The following KIF13B variants were observed in gnomAD, a reference collection of about 807,000 sequenced individuals.
KIF13B encodes kinesin-like protein KIF13B.
In KIF13B, 127 loss-of-function variants were observed where a neutral mutation model predicts 222.0. The observed-to-expected ratio is 0.57, with a 90% CI of 0.50 to 0.66. KIF13B has a LOEUF of 0.66. Among genes scored for constraint, KIF13B ranks in the 30% least tolerant of loss-of-function variants. The pLI is 0.00. For synonymous variants in KIF13B, 976 were observed against 919.0 expected (o/e 1.06, Z -1.12); for missense variants, 2,173 against 2,379.0 (o/e 0.91, Z 1.80).
Position 29,113,546 on chromosome 8 carries a change from G to C in KIF13B, c.3847C>G (p.Gln1283Glu), listed in dbSNP as rs767563825. The change falls in exon 32 of 40, where the codon CAG becomes GAG. Residue 1283 changes from glutamine (Q) to glutamate (E), a missense_variant. Physicochemically the swap from Gln to Glu is conservative, Grantham distance 29 (BLOSUM62 2). Around this residue, in one of 2 missense-constraint regions of KIF13B, gnomAD observed 1,480 missense variants for 1,722.8 expected, o/e 0.86. Transcript: ENST00000524189. ...TGAGACATCTTTTTTAGGAGACTCT[G>C]TGCAAAACCCTAGAGAAAAACAAAA... ...VNVHGRQGFA[Q>E]SLLKKMSHRS... 20 of 1,577,576 alleles carry C rather than the reference G, an allele frequency of 1.3e-5. No homozygotes were observed. In the South Asian group the frequency reaches 2.2e-4, roughly 17 times the overall value.
At chr8:29,159,028 A>G (rs958989911) in intron 13 of KIF13B, among the ~76,000 whole-genome samples, 2 of 152,242 alleles carry the variant, frequency 1.3e-5, no homozygotes, top group African/African-American at 4.8e-5. Flanking sequence ...CTAACATCGC[A>G]TCTCTTCCCA....
At chr8:29,205,285 T>G (rs1813880138) in intron 2 of KIF13B, among the ~76,000 whole-genome samples, 1 of 152,114 alleles carries the variant, frequency 6.6e-6, no homozygotes, top group Admixed American at 6.6e-5. Flanking sequence ...CATTAGAAAA[T>G]CTGGATTTTC....
chr8:29,132,592 C>T, intron 22 of KIF13B, 127 bp from the exon 23 acceptor site: 1 of 539,090 alleles, frequency 1.9e-6, no homozygotes, highest in Non-Finnish European at 2.9e-6. Flanking sequence ...TTTAGTTATA[C>T]AGAACTATCA....
At chr8:29,089,876 ACT>A (rs1317867944) in intron 37 of KIF13B, among the ~76,000 whole-genome samples, 2 of 123,854 alleles carry the variant, frequency 1.6e-5, no homozygotes, top group African/African-American at 3.1e-5. Flanking sequence ...ACAGAGCAAG[ACT>A]CTGTCTCAAA....
In KIF13B at chr8:29,191,067, A is replaced by AT; in HGVS notation, c.163-11dup. On this transcript the variant is annotated splice_polypyrimidine_tract_variant and intron_variant, in intron 3 of 39. Coordinates refer to ENST00000524189, the MANE Select transcript of KIF13B (RefSeq NM_015254.4). ...GATCATAAGCAAACACCTGTTGAAA[A>AT]TGAACATAAGTGTGTGTTAAGAAAA... The AT allele has an allele frequency of 6.2e-7, 1 of 1,603,296 alleles. No homozygotes were observed. The highest frequency in any genetic ancestry group is 2.2e-5 in the East Asian group (1 of 44,812).
chr8:29,194,059 CA>C lies in KIF13B; in HGVS notation c.162+2127del, dbSNP rs1218642481. ...CAGGATGGTCTCAATCTCCTGGCCTCATGATCCGCTGGCCTCCGCCTCCCAA... is the reference window on the plus strand; with the variant it reads ...CAGGATGGTCTCAATCTCCTGGCCTCTGATCCGCTGGCCTCCGCCTCCCAA... On this transcript the variant is annotated intron_variant, in intron 3 of 39. Transcript: ENST00000524189. Among the ~76,000 whole-genome samples the C allele has an allele frequency of 2.6e-5, 4 of 151,462 alleles. No homozygotes were observed. The South Asian group carries it at 6.3e-4, about 24-fold the overall frequency.
intron 10 of KIF13B, among the ~76,000 whole-genome samples, 187 bp from the exon 11 acceptor site, chr8:29,167,772 C>T (rs1453232552): frequency 1.3e-5 from 2 of 152,188 alleles, no homozygotes; most frequent in Non-Finnish European, 2.9e-5. Flanking sequence ...AGCCATTGCA[C>T]TAAAAATAGG....
At chr8:29,251,477 A>G (rs1426670666) in intron 1 of KIF13B, among the ~76,000 whole-genome samples, 1 of 152,208 alleles carries the variant, frequency 6.6e-6, no homozygotes, top group Non-Finnish European at 1.5e-5. Flanking sequence ...GCATCATATC[A>G]TGAACCTTGA....
In KIF13B at chr8:29,115,924, G is replaced by A. The variant is rs140283993; in HGVS notation, c.3837+907C>T. Among the ~76,000 whole-genome samples, 755 of 152,192 alleles carry A rather than the reference G, an allele frequency of 5.0e-3. 5 individuals carry two copies. The highest frequency in any genetic ancestry group is 0.016 in the African/African-American group (684 of 41,516). ...CTCTCTGAAGCGCCCCCACCACCCC[G>A]ACTCCCTGGGGCTGAATTCTTCCTT... On this transcript the variant is annotated intron_variant, in intron 31 of 39. Coordinates refer to ENST00000524189, the MANE Select transcript of KIF13B (RefSeq NM_015254.4).
chr8:29,122,653 C>T lies in KIF13B; in HGVS notation c.3480-7G>A, dbSNP rs144451859. On this transcript the variant is annotated splice_region_variant and splice_polypyrimidine_tract_variant and intron_variant, in intron 28 of 39. Transcript: ENST00000524189. ...CATCCCAGGTACTGGGGTCCTAAAACGGGAAGAACAAATGGCATCTGCCTC... is the reference window on the plus strand; with the variant it reads ...CATCCCAGGTACTGGGGTCCTAAAATGGGAAGAACAAATGGCATCTGCCTC... 187 of 1,604,316 alleles carry T rather than the reference C, an allele frequency of 1.2e-4. 1 individual carries two copies. In the East Asian group the frequency reaches 3.8e-3, roughly 33 times the overall value.
Position 29,070,398 on chromosome 8 carries a change from T to C in KIF13B, c.*106A>G. 7.9e-7 allele frequency: 1 copy of C among 1,268,986 alleles called. No individual in the cohort carries two copies. The highest frequency in any genetic ancestry group is 1.1e-6 in the Non-Finnish European group (1 of 907,836). The allele number at this position is 1,268,986 out of a possible 1,614,324, so 78.6% of individuals were successfully genotyped here. ...GTCGTGCAAAAAGCATTCATCGCCC[T>C]GCCCCTGGGGAAGGGGCCACCGGGC... On this transcript the variant is annotated 3_prime_UTR_variant, in exon 40 of 40. Coordinates refer to ENST00000524189, the MANE Select transcript of KIF13B (RefSeq NM_015254.4). The surrounding 1 kb of genome is among the most constrained non-coding windows in gnomAD (Gnocchi z 4.1).
chr8:29,163,354 C>T (rs186990690), intron 12 of KIF13B, among the ~76,000 whole-genome samples: 106 of 152,306 alleles, frequency 7.0e-4, no homozygotes, highest in African/African-American at 2.5e-3. Flanking sequence ...GTAGGGCCAT[C>T]CGAGGGCTTG....
chr8:29,092,697 C>A, intron 37 of KIF13B, 48 bp downstream of exon 37: 1 of 1,562,428 alleles, frequency 6.4e-7, no homozygotes, highest in Non-Finnish European at 8.7e-7. Flanking sequence ...ACACAGAGCA[C>A]CGCTTTATTA....
rs199667912 is a variant in KIF13B, at chr8:29,134,076, C to T, written c.2748G>A (p.Lys916=). ...CAAAGACAACCATGCAGTGCGGCTC[C>T]TTGCTGACGGAAGAGGAGGAGGTGT... ...EVDTSSSSVS[K]EPHCMVVFDH... The change falls in exon 22 of 40, where the codon AAG becomes AAA. Residue 916 remains lysine, a synonymous_variant. Transcript: ENST00000524189. The T allele has an allele frequency of 2.7e-4, 440 of 1,614,018 alleles. 2 individuals are homozygous for T. The African/African-American group carries it at 5.3e-3, about 20-fold the overall frequency.
rs1380976838 is a variant in KIF13B, at chr8:29,245,403, T to C, written c.92A>G (p.Asp31Gly). The C allele has an allele frequency of 1.9e-6, 3 of 1,603,070 alleles. No homozygotes were observed. The highest frequency in any genetic ancestry group is 3.4e-5 in the Admixed American group (2 of 58,624). ...AGGATTAAGAATAACCTTGTTTGCA[T>C]CCACATCCACCACACATTTGGTATG... The part of the protein sequence containing the change: ...DLHTKCVVDV[D>G]ANKVILNPVN... Residue 31 changes from aspartate to glycine, a missense_variant, in exon 2 of 40, where the codon GAT becomes GGT. Around this residue, in one of 2 missense-constraint regions of KIF13B, gnomAD observed 1,480 missense variants for 1,722.8 expected, o/e 0.86. Coordinates refer to ENST00000524189, the MANE Select transcript of KIF13B (RefSeq NM_015254.4).
intron 34 of KIF13B, 38 bp from the exon 35 acceptor site, chr8:29,108,230 T>C (rs1400101607): frequency 1.9e-6 from 3 of 1,590,520 alleles, no homozygotes; most frequent in Non-Finnish European, 2.6e-6. Flanking sequence ...TATTTATGCA[T>C]CAGAGCATAC....
At chr8:29,150,100 G>A (rs2130015260) in intron 15 of KIF13B, among the ~76,000 whole-genome samples, 197 bp downstream of exon 15, 1 of 152,242 alleles carries the variant, frequency 6.6e-6, no homozygotes, top group African/African-American at 2.4e-5. Context: ...AGAGTATATT[G>A]TTTATATGTC....
chr8:29,215,800 A>G (rs1404243263), intron 2 of KIF13B, among the ~76,000 whole-genome samples: 1 of 152,262 alleles, frequency 6.6e-6, no homozygotes, highest in Non-Finnish European at 1.5e-5. Flanking sequence ...AAAAAGTTTT[A>G]AAGTATTAAA....
intron 4 of KIF13B, 71 bp downstream of exon 4, chr8:29,190,926 C>A (rs754257929): frequency 8.4e-7 from 1 of 1,195,288 alleles, no homozygotes; most frequent in South Asian, 1.2e-5. Flanking sequence ...GCCAAGCAAT[C>A]GTGTAAGGGA....
Sources: gnomAD v4.1 joint callset for allele counts (sites outside exome capture counted in the v4.1 genomes callset) on GRCh38, gnomAD v4.1.1 for gene constraint, gnomAD v4.1.1 regional missense constraint, Gnocchi (gnomAD v3.1) non-coding constraint, MANE v1.5 for transcripts, NCBI Gene and HGNC (gene_info 2026-07-23, HGNC 2026-07-21) for gene names.